PSMA4: variants seen among roughly 807,000 people sequenced by gnomAD.
PSMA4 encodes the protein proteasome 20S subunit alpha 4.
A neutral mutation model predicts 37.2 loss-of-function variants in PSMA4; 8 were observed. The observed-to-expected ratio is 0.22, with a 90% CI of 0.13 to 0.39. The LOEUF (loss-of-function observed/expected upper bound fraction) is 0.39, where lower values mean the gene tolerates loss of function less well. PSMA4 is among the 10% of genes least tolerant of loss of function. The pLI is 1.00. For missense variants in PSMA4, 169 were observed against 305.1 expected (o/e 0.55, Z 3.32); for synonymous variants, 93 against 98.8 (o/e 0.94, Z 0.35).
chr15:78,548,705 C>A, intron 8 of PSMA4, 85 bp from the exon 9 acceptor site: 2 of 1,515,620 alleles, frequency 1.3e-6, no homozygotes, highest in Non-Finnish European at 1.8e-6. Context: ...ATGTGGCGAG[C>A]ATAAACCATG....
chr15:78,548,878 T>G lies in PSMA4; in HGVS notation c.720T>G (p.His240Gln). 6.2e-7 allele frequency: 1 copy of G among 1,612,518 alleles called. No homozygotes were observed. The highest frequency in any genetic ancestry group is 2.2e-5 in the East Asian group (1 of 44,852). The change falls in exon 9 of 9, where the codon CAT becomes CAG. Residue 240 changes from histidine (H) to glutamine (Q), a missense_variant. Coordinates refer to ENST00000044462, the MANE Select transcript of PSMA4 (RefSeq NM_002789.6). ...QKEVEQLIKK[H>Q]EEEEAKAERE... ...AAGTGGAGCAGTTGATCAAAAAACA[T>G]GAGGAAGAAGAAGCCAAAGCTGAGC... is the stretch of plus-strand genomic sequence containing the variant.
In PSMA4 at chr15:78,545,974, G is replaced by C. The variant is rs534057941; in HGVS notation, c.507+210G>C. 9.8e-5 allele frequency among the ~76,000 whole-genome samples: 15 copies of C among 152,294 alleles called. No homozygotes were observed. In the South Asian group the frequency reaches 2.9e-3, roughly 29 times the overall value. Reference sequence around the variant, plus strand: ...CTACATTAATAAATGCTAATTTTCAGTTAGGAGTTGTGAAATTAGAAGCTG... The same window carrying C: ...CTACATTAATAAATGCTAATTTTCACTTAGGAGTTGTGAAATTAGAAGCTG... On this transcript the variant is annotated intron_variant, in intron 7 of 8. Coordinates refer to ENST00000044462, the MANE Select transcript of PSMA4 (RefSeq NM_002789.6).
intron 2 of PSMA4, 91 bp from the exon 3 acceptor site, chr15:78,542,085 AC>A: frequency 6.8e-7 from 1 of 1,479,116 alleles, no homozygotes. Context: ...AACTTTGTAT[AC>A]CAGGATAGGT....
chr15:78,543,414 G>C (rs1283748923), intron 4 of PSMA4, among the ~76,000 whole-genome samples: 2 of 151,808 alleles, frequency 1.3e-5, no homozygotes, highest in African/African-American at 4.8e-5. Context: ...TCAGGAAGTG[G>C]GCCCAAAAAA....
In PSMA4 at chr15:78,544,449, GACC is replaced by G. The variant is rs1457325985; in HGVS notation, c.287+188_287+190del. ...TCCTGCCTCAGCCTCCCAAGTAGCTGACCACCACACCGGGTTAATTTTTGTATT... is the reference window on the plus strand; with the variant it reads ...TCCTGCCTCAGCCTCCCAAGTAGCTGACCACACCGGGTTAATTTTTGTATT... On this transcript the variant is annotated intron_variant, in intron 5 of 8. Transcript: ENST00000044462. The G allele has an allele frequency of 9.5e-6, 5 of 526,054 alleles. No individual in the cohort carries two copies. The East Asian group carries it at 1.7e-4, about 18-fold the overall frequency. 32.6% of individuals were successfully genotyped at this position (526,054 alleles called of 1,614,324 possible). A position where few individuals can be genotyped will look rare whatever the true frequency, so the allele number is the denominator to read the frequency against.
At chr15:78,544,666 A>C in intron 5 of PSMA4, 1 of 490,912 alleles carries the variant, frequency 2.0e-6, no homozygotes, top group East Asian at 3.2e-5. Flanking sequence ...CTTTGAATTG[A>C]AAATTACAGA....
At position 78,549,786 on chromosome 15, in the gene PSMA4, T is replaced by A. The variant is rs1212800827; in HGVS notation, c.*842T>A. 1 of 152,222 alleles carries A rather than the reference T, an allele frequency of 6.6e-6. No homozygotes were observed. Among genetic ancestry groups the A allele is most frequent in the Non-Finnish European group, 1.5e-5 (1 of 68,012 alleles). 9.4% of individuals were successfully genotyped at this position (152,222 alleles called of 1,614,324 possible). A position where few individuals can be genotyped will look rare whatever the true frequency, so the allele number is the denominator to read the frequency against. Reference sequence around the variant, plus strand: ...AAGAAGTTTTTGTTGCATATTAGAATCACCTAGGAAGCTTTTGCAGCTTGT... The same window carrying A: ...AAGAAGTTTTTGTTGCATATTAGAAACACCTAGGAAGCTTTTGCAGCTTGT... On this transcript the variant is annotated 3_prime_UTR_variant, in exon 9 of 9. Transcript: ENST00000044462.
At position 78,546,564 on chromosome 15, in the gene PSMA4, A is replaced by G. The variant is rs199878113; in HGVS notation, c.508-11A>G. ...AAAACTTAAAATTCTATGTTGATTC[A>G]TGTTTTATAGGCAGCTGTGTCAATG... On this transcript the variant is annotated splice_polypyrimidine_tract_variant and intron_variant, in intron 7 of 8. Coordinates refer to ENST00000044462, the MANE Select transcript of PSMA4 (RefSeq NM_002789.6). The G allele has an allele frequency of 1.9e-6, 3 of 1,570,164 alleles. No individual in the cohort carries two copies. Among genetic ancestry groups the G allele is most frequent in the African/African-American group, 1.4e-5 (1 of 71,884 alleles).
chr15:78,544,288 ACTG>A (rs2141375197), intron 5 of PSMA4, 21 bp downstream of exon 5: 1 of 1,466,006 alleles, frequency 6.8e-7, no homozygotes, highest in Non-Finnish European at 9.1e-7. Flanking sequence ...AAATAGCATA[ACTG>A]ATGATACAGA....
rs1261236170 is a variant in PSMA4 at position 78,541,885 on chromosome 15, A to T, written c.-23-20A>T. ...ATTTGTGAATCTTATTTTAATGATG[A>T]TCTGATTTTCTTTTTACAGGAACTA... On this transcript the variant is annotated intron_variant, in intron 1 of 8. Coordinates refer to ENST00000044462, the MANE Select transcript of PSMA4 (RefSeq NM_002789.6). The T allele has an allele frequency of 6.5e-7, 1 of 1,537,994 alleles. No individual in the cohort carries two copies. Among genetic ancestry groups the T allele is most frequent in the Non-Finnish European group, 9.0e-7 (1 of 1,113,368 alleles).
rs1044417236 is a variant in PSMA4, at chr15:78,552,034, T to G, written c.*3090T>G. 12 of 151,952 alleles carry G rather than the reference T, an allele frequency of 7.9e-5. No individual in the cohort carries two copies. The highest frequency in any genetic ancestry group is 2.4e-4 in the African/African-American group (10 of 41,384). 9.4% of individuals were successfully genotyped at this position (151,952 alleles called of 1,614,324 possible). The stretch of plus-strand genomic sequence containing the variant: ...GCAAAAGCTACTCTTTAACTGTGAG[T>G]TTTTTTTCCTTGCGATGGGGTTTGG... On this transcript the variant is annotated 3_prime_UTR_variant, in exon 9 of 9. Transcript: ENST00000044462.
In PSMA4 at chr15:78,545,056, TTTAAA is replaced by T. The variant is rs544589710; in HGVS notation, c.376+107_376+111del. 8.6e-4 allele frequency: 609 copies of T among 710,382 alleles called. 4 individuals are homozygous for T. Among genetic ancestry groups the T allele is most frequent in the African/African-American group, 4.9e-3 (269 of 55,154 alleles). 44.0% of individuals were successfully genotyped at this position (710,382 alleles called of 1,614,324 possible). A position where few individuals can be genotyped will look rare whatever the true frequency, so the allele number is the denominator to read the frequency against. ...AAAAAATTGAAAATAGACCCTTTGT[TTTAAA>T]TTAAATTTAATTTTTTTAATTGGCA... On this transcript the variant is annotated intron_variant, in intron 6 of 8. Coordinates refer to ENST00000044462, the MANE Select transcript of PSMA4 (RefSeq NM_002789.6).
At chr15:78,542,991 T>C (rs990955517) in intron 4 of PSMA4, among the ~76,000 whole-genome samples, 2 of 152,174 alleles carry the variant, frequency 1.3e-5, no homozygotes, top group Admixed American at 6.5e-5. Context: ...GGCAGTTTAA[T>C]GAAATAAAAT....
intron 4 of PSMA4, among the ~76,000 whole-genome samples, chr15:78,543,476 G>GT (rs2052492443): frequency 6.6e-6 from 1 of 151,348 alleles, no homozygotes; most frequent in Admixed American, 6.6e-5. Flanking sequence ...AAGCAGGCTT[G>GT]TAAACCCTCC....
At chr15:78,540,697 C>T (rs1019194482) in intron 1 of PSMA4, 158 bp downstream of exon 1, 2 of 152,210 alleles carry the variant, frequency 1.3e-5, no homozygotes, top group Non-Finnish European at 2.9e-5. Context: ...GACCGACCGC[C>T]GGGAATGGCC....
In PSMA4 at chr15:78,550,857, C is replaced by T. The variant is rs892133418; in HGVS notation, c.*1913C>T. The T allele has an allele frequency of 2.0e-5, 3 of 152,074 alleles. No homozygotes were observed. Among genetic ancestry groups the T allele is most frequent in the African/African-American group, 7.2e-5 (3 of 41,386 alleles). The allele number at this position is 152,074 out of a possible 1,614,324, so 9.4% of individuals were successfully genotyped here. A position where few individuals can be genotyped will look rare whatever the true frequency, so the allele number is the denominator to read the frequency against. On this transcript the variant is annotated 3_prime_UTR_variant, in exon 9 of 9. Transcript: ENST00000044462. ...TGTCAACAAATGACTAAAAGTACCACAAGTATTGGTTTGGGGGTTACATGT... is the reference window on the plus strand; with the variant it reads ...TGTCAACAAATGACTAAAAGTACCATAAGTATTGGTTTGGGGGTTACATGT...
chr15:78,541,581 C>G, intron 1 of PSMA4: 1 of 334,382 alleles, frequency 3.0e-6, no homozygotes, highest in Non-Finnish European at 5.6e-6. Context: ...AGCCTTATTT[C>G]TGCCTCTCCC....
rs752744467 is a variant in PSMA4, at chr15:78,548,879, G to C, written c.721G>C (p.Glu241Gln). Residue 241 changes from glutamate (E) to glutamine (Q), a missense_variant, in exon 9 of 9, where the codon GAG (glutamate) becomes CAG (glutamine). Physicochemically the swap from Glu to Gln is conservative, Grantham distance 29. This residue lies in a region of PSMA4 where 90 missense variants were observed against 92.7 expected (regional missense o/e 0.97). Transcript: ENST00000044462. ...KEVEQLIKKHEEEEAKAEREK... is the reference protein window; with the variant it reads ...KEVEQLIKKHQEEEAKAEREK... ...AGTGGAGCAGTTGATCAAAAAACAT[G>C]AGGAAGAAGAAGCCAAAGCTGAGCG... The C allele has an allele frequency of 6.2e-7, 1 of 1,612,958 alleles. No homozygotes were observed. Among genetic ancestry groups the C allele is most frequent in the South Asian group, 1.1e-5 (1 of 90,750 alleles).
chr15:78,541,691 C>T, intron 1 of PSMA4: 2 of 522,636 alleles, frequency 3.8e-6, no homozygotes, highest in Non-Finnish European at 6.8e-6. Flanking sequence ...TTCCTCTTTC[C>T]ACATTATAAT....
Sources: gnomAD v4.1 joint callset for allele counts (sites outside exome capture counted in the v4.1 genomes callset) on GRCh38, gnomAD v4.1.1 for gene constraint, gnomAD v4.1.1 regional missense constraint, MANE v1.5 for transcripts, NCBI Gene and HGNC (gene_info 2026-07-23, HGNC 2026-07-21) for gene names.